Variants in ZNF444 observed in about 807,000 individuals in gnomAD.
ZNF444 encodes the protein zinc finger protein 444.
A neutral mutation model predicts 14.4 loss-of-function variants in ZNF444; 8 were observed. The ratio of observed to expected loss-of-function variants is 0.56; its 90% CI spans 0.33 to 1.00. ZNF444 has a LOEUF of 1.00. Ranked by LOEUF, ZNF444 falls within the 50% of genes least tolerant of loss-of-function variation. The pLI is 0.03. For synonymous variants in ZNF444, 258 were observed against 235.9 expected (o/e 1.09, Z -0.86); for missense variants, 510 against 504.8 (o/e 1.01, Z -0.10).
chr19:56,138,131 AC>A (rs747321216), upstream of ZNF444, among the ~76,000 whole-genome samples: 24 of 151,448 alleles, frequency 1.6e-4, no homozygotes, highest in East Asian at 3.9e-4. Flanking sequence ...ATCTTAAAAA[AC>A]AAAATTCCTC....
chr19:56,158,748 G>A (rs762307913), intron 4 of ZNF444, 146 bp downstream of exon 4: 9 of 662,578 alleles, frequency 1.4e-5, no homozygotes, highest in Admixed American at 6.8e-5. Flanking sequence ...CCCAAGGGGC[G>A]GGCATTGGGG....
At chr19:56,139,976 G>T (rs2030711533), upstream of ZNF444, among the ~76,000 whole-genome samples, 1 of 152,180 alleles carries the variant, frequency 6.6e-6, no homozygotes, top group Non-Finnish European at 1.5e-5. Flanking sequence ...CAGAAAGGAG[G>T]CATGACTGGA....
chr19:56,152,568 C>T (rs1043969572), intron 3 of ZNF444, among the ~76,000 whole-genome samples: 1 of 151,174 alleles, frequency 6.6e-6, no homozygotes, highest in Non-Finnish European at 1.5e-5. Context: ...CTAGGGTAAG[C>T]GCCCAGGAGT....
chr19:56,147,038 G>T lies in ZNF444; in HGVS notation c.127G>T (p.Ala43Ser). 1.9e-6 allele frequency: 3 copies of T among 1,541,394 alleles called. No individual in the cohort carries two copies. Among genetic ancestry groups the T allele is most frequent in the Non-Finnish European group, 2.6e-6 (3 of 1,151,238 alleles). ...GCGGGAGGCGCTGGGGCTGCTCCGCGCCCTGTGCCGGGACTGGCTGCGGCC... is the reference window on the plus strand; with the variant it reads ...GCGGGAGGCGCTGGGGCTGCTCCGCTCCCTGTGCCGGGACTGGCTGCGGCC... ...GPREALGLLR[A>S]LCRDWLRPEV... The change falls in exon 3 of 5, where the codon GCC becomes TCC. Residue 43 changes from alanine (A) to serine (S), a missense_variant. Ala to Ser is a moderately conservative substitution (Grantham distance 99). Coordinates refer to ENST00000337080, the MANE Select transcript of ZNF444 (RefSeq NM_018337.4). This position sits in a 1 kb window ranked among gnomAD's most constrained non-coding sequence, Gnocchi z 5.9.
At chr19:56,142,469 T>C (rs1458575544) in intron 1 of ZNF444, 1 of 141,700 alleles carries the variant, frequency 7.1e-6, no homozygotes, top group Non-Finnish European at 1.6e-5. Flanking sequence ...GTCTGGAGAC[T>C]TTTTTTTTGG....
chr19:56,146,941 G>A lies in ZNF444; in HGVS notation c.30G>A (p.Glu10=), dbSNP rs1001838586. MEVAVPVKQ[E]AEGLALDSPW... is the part of the protein sequence containing the mutation. ...AGGTGGCGGTGCCCGTGAAGCAGGA[G>A]GCCGAGGGCCTGGCGCTGGACTCCC... is the stretch of plus-strand genomic sequence containing the variant. The change falls in exon 3 of 5, where the codon GAG becomes GAA. Residue 10 remains glutamate (E), a synonymous_variant. Transcript: ENST00000337080. 31 of 1,444,348 alleles carry A rather than the reference G, an allele frequency of 2.1e-5. No individual in the cohort carries two copies. Among genetic ancestry groups the A allele is most frequent in the African/African-American group, 3.0e-5 (2 of 66,888 alleles). 89.5% of individuals were successfully genotyped at this position (1,444,348 alleles called of 1,614,324 possible).
chr19:56,140,980 T>G (rs974336646), upstream of ZNF444: 3 of 152,216 alleles, frequency 2.0e-5, no homozygotes, highest in South Asian at 2.1e-4. Context: ...GTCCAAAGCC[T>G]GTCGCGCTCA....
intron 3 of ZNF444, chr19:56,151,977 G>T: frequency 2.2e-6 from 1 of 454,652 alleles, no homozygotes; most frequent in Non-Finnish European, 4.4e-6. Context: ...AGAAGGAGAG[G>T]ACAGCCGAGG....
At chr19:56,139,985 G>T (rs1448098729), upstream of ZNF444, among the ~76,000 whole-genome samples, 1 of 152,218 alleles carries the variant, frequency 6.6e-6, no homozygotes, top group Non-Finnish European at 1.5e-5. Flanking sequence ...GGCATGACTG[G>T]AACTCATTAA....
rs1300301173 is a variant in ZNF444 at position 56,160,123 on chromosome 19, G to A, written c.906G>A (p.Arg302=). ...TGCGCCACCAGCGCATCCACGGCCG[G>A]GCAGCGGCCAGCGCGCAGGGGGCGG... ...HVLRHQRIHG[R]AAASAQGAVA... The change falls in exon 5 of 5, where the codon CGG becomes CGA. Residue 302 remains arginine (R), a synonymous_variant. Coordinates refer to ENST00000337080, the MANE Select transcript of ZNF444 (RefSeq NM_018337.4). The A allele has an allele frequency of 1.3e-6, 2 of 1,485,700 alleles. No homozygotes were observed. The highest frequency in any genetic ancestry group is 1.5e-5 in the African/African-American group (1 of 68,188). 92.0% of individuals were successfully genotyped at this position (1,485,700 alleles called of 1,614,324 possible).
At chr19:56,133,449 G>C (rs1288700507) in intron 1 of ZNF444, among the ~76,000 whole-genome samples, 1 of 152,056 alleles carries the variant, frequency 6.6e-6, no homozygotes, top group Non-Finnish European at 1.5e-5. Flanking sequence ...TTAAAACCCG[G>C]GTCTCTTGCT....
intron 3 of ZNF444, among the ~76,000 whole-genome samples, chr19:56,152,127 T>G (rs2031619358): frequency 6.6e-6 from 1 of 151,620 alleles, no homozygotes; most frequent in South Asian, 2.1e-4. Context: ...AGGTCAGGAG[T>G]TCGAGACCAG....
chr19:56,148,849 C>T (rs915766400), intron 3 of ZNF444, among the ~76,000 whole-genome samples: 4 of 152,124 alleles, frequency 2.6e-5, no homozygotes, highest in African/African-American at 7.2e-5. Flanking sequence ...TCTGCAGGGC[C>T]ACGTCCCTTC....
intron 3 of ZNF444, among the ~76,000 whole-genome samples, chr19:56,149,474 CTTATTTAT>C (rs764968102): frequency 6.6e-6 from 1 of 152,122 alleles, no homozygotes; most frequent in Non-Finnish European, 1.5e-5. Flanking sequence ...CCTGTGGTCA[CTTATTTAT>C]TTATTTATTT....
In ZNF444 at chr19:56,160,262, C is replaced by A; in HGVS notation, c.*61C>A. Reference sequence around the variant, plus strand: ...GCTGCCCCCGGGCGGTACCTGCTCTCTCCCAGCGCCACTTGGCCTCTTCCT... The same window carrying A: ...GCTGCCCCCGGGCGGTACCTGCTCTATCCCAGCGCCACTTGGCCTCTTCCT... On this transcript the variant is annotated 3_prime_UTR_variant, in exon 5 of 5. Transcript: ENST00000337080. 7.6e-7 allele frequency: 1 copy of A among 1,318,820 alleles called. No individual in the cohort carries two copies. The highest frequency in any genetic ancestry group is 9.8e-7 in the Non-Finnish European group (1 of 1,018,598). The allele number at this position is 1,318,820 out of a possible 1,614,324, so 81.7% of individuals were successfully genotyped here. A position where few individuals can be genotyped will look rare whatever the true frequency, so the allele number is the denominator to read the frequency against.
rs926324851 is a variant in ZNF444, at chr19:56,144,856, G to A, written c.-196-1391G>A. Among the ~76,000 whole-genome samples the A allele has an allele frequency of 2.0e-5, 3 of 152,244 alleles. No homozygotes were observed. The highest frequency in any genetic ancestry group is 2.1e-4 in the South Asian group (1 of 4,834). On this transcript the variant is annotated intron_variant, in intron 1 of 4. Transcript: ENST00000337080. This position sits in a 1 kb window ranked among gnomAD's most constrained non-coding sequence, Gnocchi z 4.0. ...TAATACTCCAGAGGTGTTCTGGGGC[G>A]GGCTGGCGCCTGAGCCCCATGGGGT...
At chr19:56,159,423 A>C (rs1299413135) in intron 4 of ZNF444, among the ~76,000 whole-genome samples, 1 of 151,988 alleles carries the variant, frequency 6.6e-6, no homozygotes, top group Non-Finnish European at 1.5e-5. Context: ...GCCATCATCT[A>C]TTATGTATTG....
rs1052402677 is a variant in ZNF444, at chr19:56,144,586, A to G, written c.-196-1661A>G. 6.1e-4 allele frequency among the ~76,000 whole-genome samples: 93 copies of G among 152,208 alleles called. No individual in the cohort carries two copies. Among genetic ancestry groups the G allele is most frequent in the African/African-American group, 2.2e-3 (92 of 41,524 alleles). On this transcript the variant is annotated intron_variant, in intron 1 of 4. Transcript: ENST00000337080. The surrounding 1 kb of genome is among the most constrained non-coding windows in gnomAD (Gnocchi z 4.0). ...TTGTGGCAGCCGTCCCAGCAATGAG[A>G]TGACGTTTGTGGTTAGTGACATGGC...
intron 3 of ZNF444, chr19:56,156,666 G>A (rs773070333): frequency 6.6e-6 from 1 of 152,258 alleles, no homozygotes; most frequent in Non-Finnish European, 1.5e-5. Context: ...GAGGCCTAAA[G>A]CTTCCCATCG....
Sources: allele counts gnomAD v4.1 joint callset (sites outside exome capture counted in the v4.1 genomes callset), GRCh38; gene constraint gnomAD v4.1.1; non-coding constraint Gnocchi (gnomAD v3.1); transcripts MANE v1.5; gene names NCBI Gene and HGNC (gene_info 2026-07-23, HGNC 2026-07-21).